The following UNC5D variants were observed in gnomAD, a reference collection of about 807,000 sequenced individuals.
UNC5D encodes unc-5 netrin receptor D.
UNC5D carries 39 observed loss-of-function variants against 105.4 expected under a neutral mutation model. The ratio of observed to expected loss-of-function variants is 0.37; its 90% confidence interval spans 0.29 to 0.48. The LOEUF (loss-of-function observed/expected upper bound fraction) is 0.48. UNC5D is among the 20% of genes least tolerant of loss of function. UNC5D has a pLI of 0.98. For synonymous variants in UNC5D, 452 were observed against 450.4 expected, an observed-to-expected ratio of 1.00 and a Z score of -0.04; for missense variants, 991 against 1,202.4, an observed-to-expected ratio of 0.82 and a Z score of 2.60.
chr8:35,314,410 G>A (rs1809126459), intron 1 of UNC5D, among the ~76,000 whole-genome samples: 2 of 152,060 alleles, frequency 1.3e-5, no homozygotes, highest in Non-Finnish European at 2.9e-5. Context: ...TTCAATTTTT[G>A]TATCGTTGGT....
chr8:35,759,521 C>T (rs773104574), intron 14 of UNC5D, 52 bp downstream of exon 14: 1 of 1,578,714 alleles, frequency 6.3e-7, no homozygotes, highest in South Asian at 1.2e-5. Flanking sequence ...AACCGGCAAG[C>T]ATGTCACAGA....
At chr8:35,385,159 A>T (rs1284009810) in intron 1 of UNC5D, among the ~76,000 whole-genome samples, 1 of 152,150 alleles carries the variant, frequency 6.6e-6, no homozygotes, top group African/African-American at 2.4e-5. Context: ...AGTCTGTTTC[A>T]TCTGATGATC....
intron 1 of UNC5D, among the ~76,000 whole-genome samples, chr8:35,348,588 T>C (rs1049091784): frequency 2.6e-5 from 4 of 151,830 alleles, no homozygotes; most frequent in African/African-American, 9.7e-5. Context: ...TACAATGAAA[T>C]ATCATTTCTT....
At chr8:35,764,729 G>C (rs941426065) in intron 14 of UNC5D, among the ~76,000 whole-genome samples, 2 of 152,170 alleles carry the variant, frequency 1.3e-5, no homozygotes, top group African/African-American at 4.8e-5. Flanking sequence ...TCAGCTGATG[G>C]TACAAGCAAG....
At chr8:35,602,111 C>T (rs932301610) in intron 4 of UNC5D, among the ~76,000 whole-genome samples, 7 of 152,106 alleles carry the variant, frequency 4.6e-5, no homozygotes, top group Non-Finnish European at 1.0e-4. Context: ...TATTGATTTT[C>T]GTATGTTGAA....
chr8:35,398,725 T>G (rs531062482), intron 1 of UNC5D, among the ~76,000 whole-genome samples: 2 of 152,268 alleles, frequency 1.3e-5, no homozygotes, highest in East Asian at 3.9e-4. Context: ...GGTGGGATGT[T>G]TTACCTCTGC....
At chr8:35,686,350 T>C (rs113726324) in intron 6 of UNC5D, among the ~76,000 whole-genome samples, 195 bp from the exon 7 acceptor site, 1 of 152,136 alleles carries the variant, frequency 6.6e-6, no homozygotes. Context: ...AGCAAGAGTA[T>C]TATACCACTG....
chr8:35,439,393 G>C (rs1156548119), intron 1 of UNC5D, among the ~76,000 whole-genome samples: 1 of 151,956 alleles, frequency 6.6e-6, no homozygotes, highest in Non-Finnish European at 1.5e-5. Context: ...CTCCTTGTTG[G>C]CCAGTTGGGG....
intron 4 of UNC5D, among the ~76,000 whole-genome samples, chr8:35,682,828 C>T (rs186649611): frequency 2.4e-4 from 36 of 152,196 alleles, no homozygotes; most frequent in Middle Eastern, 3.4e-3. Flanking sequence ...AAAACACATC[C>T]GAAATGGGAG....
intron 1 of UNC5D, among the ~76,000 whole-genome samples, chr8:35,409,501 G>A (rs76964868): frequency 6.6e-6 from 1 of 151,442 alleles, no homozygotes; most frequent in Non-Finnish European, 1.5e-5. Context: ...TAACTCATGA[G>A]GTTGAGGATT....
At chr8:35,387,021 C>CG (rs1315800910) in intron 1 of UNC5D, among the ~76,000 whole-genome samples, 9 of 151,780 alleles carry the variant, frequency 5.9e-5, no homozygotes, top group Admixed American at 2.0e-4. Context: ...GAATTCCCCC[C>CG]CTGCTGTAGT....
chr8:35,610,540 G>A (rs1820603727), intron 4 of UNC5D, among the ~76,000 whole-genome samples: 1 of 152,166 alleles, frequency 6.6e-6, no homozygotes, highest in Admixed American at 6.5e-5. Flanking sequence ...CCTGGGACAG[G>A]ACATCACTCT....
intron 1 of UNC5D, among the ~76,000 whole-genome samples, chr8:35,248,728 A>T (rs1196773317): frequency 8.1e-5 from 8 of 98,246 alleles, no homozygotes; most frequent in East Asian, 6.4e-4. Flanking sequence ...AATATATAAA[A>T]ATATATAATA....
At chr8:35,399,944 A>G (rs1296005479) in intron 1 of UNC5D, among the ~76,000 whole-genome samples, 2 of 152,144 alleles carry the variant, frequency 1.3e-5, no homozygotes, top group Non-Finnish European at 2.9e-5. Flanking sequence ...ACTTCTGGCA[A>G]TGATTCCCTG....
chr8:35,416,021 A>G (rs1329891353), intron 1 of UNC5D, among the ~76,000 whole-genome samples: 1 of 152,076 alleles, frequency 6.6e-6, no homozygotes, highest in African/African-American at 2.4e-5. Flanking sequence ...GCAACATTCC[A>G]AGGTACCAAG....
rs1440119386 is a variant in UNC5D, at chr8:35,795,908, C to G, written c.*5345C>G. 1 of 152,140 alleles carries G rather than the reference C, an allele frequency of 6.6e-6. No homozygotes were observed. Among genetic ancestry groups the G allele is most frequent in the Non-Finnish European group, 1.5e-5 (1 of 68,022 alleles). 9.4% of individuals were successfully genotyped at this position (152,140 alleles called of 1,614,324 possible). A position where few individuals can be genotyped will look rare whatever the true frequency, so the allele number is the denominator to read the frequency against. ...AACCTAGAAACATTTCCAACCTAAG[C>G]ATTTAAAGGAAAACTGGCTCATTCT... On this transcript the variant is annotated 3_prime_UTR_variant, in exon 17 of 17. Transcript: ENST00000404895.
intron 1 of UNC5D, among the ~76,000 whole-genome samples, chr8:35,424,391 G>A (rs1806110637): frequency 2.0e-5 from 3 of 152,148 alleles, no homozygotes; most frequent in Admixed American, 1.3e-4. Flanking sequence ...TGGAAACCCA[G>A]TGTGTATTTT....
intron 11 of UNC5D, among the ~76,000 whole-genome samples, chr8:35,744,002 G>T (rs1586572893): frequency 6.6e-6 from 1 of 152,324 alleles, no homozygotes; most frequent in South Asian, 2.1e-4. Context: ...TAAAGTCCAA[G>T]TCACTTCATT....
At chr8:35,493,281 C>CAAAAAAAAAAAAAAAAAAAAAAAAAA (rs35199794) in intron 1 of UNC5D, among the ~76,000 whole-genome samples, 1 of 67,154 alleles carries the variant, frequency 1.5e-5, no homozygotes, top group African/African-American at 5.3e-5. Context: ...AGTCTGTGAC[C>CAAAAAAAAAAAAAAAAAAAAAAAAAA]AAAAAAAAAA....
Sources: gnomAD v4.1 joint callset for allele counts (sites outside exome capture counted in the v4.1 genomes callset) on GRCh38, gnomAD v4.1.1 for gene constraint, MANE v1.5 for transcripts, NCBI Gene and HGNC (gene_info 2026-07-23, HGNC 2026-07-21) for gene names.